The following ASTE1 variants were observed in gnomAD, a reference collection of about 807,000 sequenced individuals.
The protein encoded by ASTE1 is asteroid structure-specific endonuclease 1.
Under a neutral mutation model 45.8 loss-of-function variants are expected in ASTE1, and 49 were observed. The ratio of observed to expected loss-of-function variants is 1.07; its 90% CI spans 0.85 to 1.36. ASTE1 has a LOEUF of 1.36. Ranked by LOEUF, ASTE1 falls within the 40% of genes most tolerant of loss-of-function variation. The probability of loss-of-function intolerance (pLI) is 0.00; values close to 1 mark genes in which losing one functional copy is unlikely to be tolerated. For missense variants in ASTE1, 709 were observed against 804.0 expected (o/e 0.88, Z 1.43); for synonymous variants, 296 against 303.9 (o/e 0.97, Z 0.27).
Position 131,024,818 on chromosome 3 carries a change from A to C in ASTE1, c.489T>G (p.Phe163Leu). Residue 163 changes from phenylalanine (F) to leucine (L), a missense_variant, in exon 3 of 6, where the codon TTT becomes TTG. Phe to Leu is a conservative substitution (Grantham distance 22). Coordinates refer to ENST00000264992, the MANE Select transcript of ASTE1 (RefSeq NM_014065.4). ...NCPVLSSDSD[F>L]CIFDLKTGFC... ...ACCCAGTTTTCAGGTCAAAAATGCAAAAGTCACTATCTGATGATAACACAG... is the reference window on the plus strand; with the variant it reads ...ACCCAGTTTTCAGGTCAAAAATGCACAAGTCACTATCTGATGATAACACAG... 6.2e-7 allele frequency: 1 copy of C among 1,614,200 alleles called. No homozygotes were observed. Among genetic ancestry groups the C allele is most frequent in the Non-Finnish European group, 8.5e-7 (1 of 1,180,036 alleles).
intron 5 of ASTE1, among the ~76,000 whole-genome samples, chr3:131,015,605 G>C (rs564518876): frequency 1.1e-4 from 16 of 152,286 alleles, no homozygotes; most frequent in African/African-American, 3.6e-4. Context: ...ATCTCACTTA[G>C]AATGAAAGCT....
chr3:131,015,480 C>T (rs1009288100), intron 5 of ASTE1, among the ~76,000 whole-genome samples: 2 of 152,220 alleles, frequency 1.3e-5, no homozygotes, highest in African/African-American at 4.8e-5. Context: ...CCAGCTTAAA[C>T]TCCACAGACA....
chr3:131,019,406 C>T (rs1424599498), intron 3 of ASTE1, among the ~76,000 whole-genome samples: 1 of 152,206 alleles, frequency 6.6e-6, no homozygotes, highest in East Asian at 1.9e-4. Context: ...TTGCATTGTG[C>T]TTGGAGTAAC....
chr3:131,015,219 T>TC (rs1176730677), intron 5 of ASTE1: 1 of 702,228 alleles, frequency 1.4e-6, no homozygotes, highest in Non-Finnish European at 2.6e-6. Context: ...TTTGTATGCG[T>TC]CCATATATCC....
chr3:131,015,635 G>A (rs1183639971), intron 5 of ASTE1, among the ~76,000 whole-genome samples: 5 of 152,052 alleles, frequency 3.3e-5, no homozygotes, highest in Non-Finnish European at 7.3e-5. Context: ...CTGAGATTCT[G>A]TTTTTGTCCC....
At chr3:131,018,923 A>G (rs1272418025) in intron 3 of ASTE1, among the ~76,000 whole-genome samples, 1 of 152,244 alleles carries the variant, frequency 6.6e-6, no homozygotes, top group Non-Finnish European at 1.5e-5. Context: ...GAATGGGTGT[A>G]CTGCCTACTC....
At chr3:131,016,406 C>CAT in intron 4 of ASTE1, 67 bp from the exon 5 acceptor site, 1 of 1,516,902 alleles carries the variant, frequency 6.6e-7, no homozygotes, top group Non-Finnish European at 9.1e-7. Flanking sequence ...ATTTTCTCCA[C>CAT]ATATACTACA....
rs150694462 is a variant in ASTE1 at position 131,024,259 on chromosome 3, G to A, written c.1048C>T (p.Arg350Trp). 7.4e-6 allele frequency: 12 copies of A among 1,614,190 alleles called. No individual in the cohort carries two copies. Among genetic ancestry groups the A allele is most frequent in the African/African-American group, 1.3e-5 (1 of 75,044 alleles). Reference sequence around the variant, plus strand: ...TCCACCTGTGTGGGAAGAATGGTCCGTCTTAGGACCAAAGCATCACTGATG... The same window carrying A: ...TCCACCTGTGTGGGAAGAATGGTCCATCTTAGGACCAAAGCATCACTGATG... ...PFISDALVLRRTILPTQVENM... is the reference protein window; with the variant it reads ...PFISDALVLRWTILPTQVENM... Residue 350 changes from arginine to tryptophan, a missense_variant, in exon 3 of 6, where the codon CGG (arginine) becomes TGG (tryptophan). By Grantham distance (101) the Arg-to-Trp change is moderately radical. Transcript: ENST00000264992.
rs754910692 is a variant in ASTE1 at position 131,014,278 on chromosome 3, G to A, written c.1819C>T (p.Leu607=). ...CPEAKQLYEY[L]FNATRSYAPA... ...GCATATGACCTTGTGGCATTGAATA[G>A]ATATTCATAAAGTTGCTTAGCCTCA... is the stretch of plus-strand genomic sequence containing the variant. Residue 607 remains leucine (L), a synonymous_variant, in exon 6 of 6, where the codon CTA becomes TTA. Transcript: ENST00000264992. 6.2e-7 allele frequency: 1 copy of A among 1,613,996 alleles called. No homozygotes were observed. The highest frequency in any genetic ancestry group is 8.5e-7 in the Non-Finnish European group (1 of 1,180,000).
Position 131,014,161 on chromosome 3 carries a change from TC to T in ASTE1, c.1935del (p.Arg646GlufsTer19). ...CAACACTTGGTGTGTGCAGTGGTTC[TC>T]CCTCTGTTCTTAGAACAGCTGGTAT... is the stretch of plus-strand genomic sequence containing the variant. ...KQNTSCSKNR[G>X]RTTAHTKCWY... On this transcript the variant is annotated frameshift_variant, in exon 6 of 6. Coordinates refer to ENST00000264992, the MANE Select transcript of ASTE1 (RefSeq NM_014065.4). LOFTEE classifies it low-confidence loss of function (END_TRUNC). The T allele has an allele frequency of 6.2e-7, 1 of 1,613,832 alleles. No individual in the cohort carries two copies. The highest frequency in any genetic ancestry group is 8.5e-7 in the Non-Finnish European group (1 of 1,179,968).
At chr3:131,026,334 G>A (rs140341812) in intron 1 of ASTE1, 173 bp downstream of exon 1, 283 of 152,450 alleles carry the variant, frequency 1.9e-3, no homozygotes, top group South Asian at 3.7e-3. Context: ...AGCAGAGACT[G>A]TGTCAAGGCG....
chr3:131,025,454 T>C lies in ASTE1; in HGVS notation c.-26+20A>G. ...GTGCTCTTTAGATAGAACATAGATA[T>C]CAACATCATAAATTCTTACCTAGAT... On this transcript the variant is annotated intron_variant, in intron 2 of 5. Transcript: ENST00000264992. 4.7e-6 allele frequency: 6 copies of C among 1,274,080 alleles called. No homozygotes were observed. The highest frequency in any genetic ancestry group is 3.5e-5 in the South Asian group (2 of 57,164). The allele number at this position is 1,274,080 out of a possible 1,614,324, so 78.9% of individuals were successfully genotyped here.
At position 131,015,214 on chromosome 3, in the gene ASTE1, A is replaced by G; in HGVS notation, c.1710-827T>C. 2.8e-6 allele frequency: 2 copies of G among 702,390 alleles called. 1 individual carries two copies. The highest frequency in any genetic ancestry group is 4.0e-5 in the Admixed American group (2 of 49,966). 43.5% of individuals were successfully genotyped at this position (702,390 alleles called of 1,614,324 possible). ...CATGTAAAGTCCCACCATATTTTGTATGCGTCCATATATCCTCATTCAAAG... is the reference window on the plus strand; with the variant it reads ...CATGTAAAGTCCCACCATATTTTGTGTGCGTCCATATATCCTCATTCAAAG... On this transcript the variant is annotated intron_variant, in intron 5 of 5. Coordinates refer to ENST00000264992, the MANE Select transcript of ASTE1 (RefSeq NM_014065.4).
intron 5 of ASTE1, 26 bp downstream of exon 5, chr3:131,016,118 G>A: frequency 1.9e-6 from 3 of 1,610,010 alleles, no homozygotes; most frequent in Non-Finnish European, 2.5e-6. Context: ...GCTTCCATCT[G>A]AACTAAAGTT....
intron 3 of ASTE1, among the ~76,000 whole-genome samples, chr3:131,019,763 A>G (rs1647870064): frequency 6.6e-6 from 1 of 152,238 alleles, no homozygotes; most frequent in African/African-American, 2.4e-5. Context: ...AGCTGAGACT[A>G]AAGATATTAA....
chr3:131,024,789 CAA>C lies in ASTE1; in HGVS notation c.516_517del (p.Phe172LeufsTer5). 2 of 1,614,076 alleles carry C rather than the reference CAA, an allele frequency of 1.2e-6. No individual in the cohort carries two copies. The highest frequency in any genetic ancestry group is 8.5e-7 in the Non-Finnish European group (1 of 1,180,008). On this transcript the variant is annotated frameshift_variant, in exon 3 of 6. Coordinates refer to ENST00000264992, the MANE Select transcript of ASTE1 (RefSeq NM_014065.4). LOFTEE classifies it high-confidence loss of function. ...TCTCCACTGAAAGCTATTCAATGGG[CAA>C]AACCCAGTTTTCAGGTCAAAAATGC...
At chr3:131,015,379 T>A in intron 5 of ASTE1, 1 of 594,244 alleles carries the variant, frequency 1.7e-6, no homozygotes, top group Non-Finnish European at 3.0e-6. Context: ...ACCTCCTGGA[T>A]GGTCAATTAC....
At chr3:131,016,583 C>A (rs1030952674) in intron 4 of ASTE1, 4 of 525,096 alleles carry the variant, frequency 7.6e-6, no homozygotes, top group African/African-American at 1.9e-5. Flanking sequence ...GAAATAAGAT[C>A]TTTTCCACTG....
At position 131,020,302 on chromosome 3, in the gene ASTE1, G is replaced by A. The variant is rs573273688; in HGVS notation, c.1303-1586C>T. On this transcript the variant is annotated intron_variant, in intron 3 of 5. Coordinates refer to ENST00000264992, the MANE Select transcript of ASTE1 (RefSeq NM_014065.4). ...AAGTACTCAACTCACAGCCCTTAACGTTAGTTAGGTTTTATCCCATGTGAC... is the reference window on the plus strand; with the variant it reads ...AAGTACTCAACTCACAGCCCTTAACATTAGTTAGGTTTTATCCCATGTGAC... Among the ~76,000 whole-genome samples the A allele has an allele frequency of 2.6e-5, 4 of 152,290 alleles. No individual in the cohort carries two copies. The South Asian group carries it at 8.3e-4, about 32-fold the overall frequency.
Sources: allele counts gnomAD v4.1 joint callset (sites outside exome capture counted in the v4.1 genomes callset), GRCh38; gene constraint gnomAD v4.1.1; transcripts MANE v1.5; gene names NCBI Gene and HGNC (gene_info 2026-07-23, HGNC 2026-07-21).